Variants in AKAP12 observed in about 807,000 individuals in gnomAD.
AKAP12 encodes A-kinase anchor protein 12.
Under a neutral mutation model 79.9 loss-of-function variants are expected in AKAP12, and 32 were observed. That is an observed-to-expected ratio of 0.40 (90% CI 0.30 to 0.54). AKAP12 has a LOEUF of 0.54. Among genes scored for constraint, AKAP12 ranks in the 20% least tolerant of loss-of-function variants. AKAP12 has a pLI of 0.48. For missense variants in AKAP12, 2,074 were observed against 2,177.0 expected, an observed-to-expected ratio of 0.95 and a Z score of 0.94; for synonymous variants, 808 against 857.0, an observed-to-expected ratio of 0.94 and a Z score of 1.00.
intron 2 of AKAP12, among the ~76,000 whole-genome samples, chr6:151,278,063 C>T (rs1306664365): frequency 6.6e-6 from 1 of 151,856 alleles, no homozygotes; most frequent in Non-Finnish European, 1.5e-5. Context: ...TTAAAATCTA[C>T]AATGATGAAA....
At chr6:151,348,680 T>TCTTC in intron 3 of AKAP12, 31 bp from the exon 4 acceptor site, 3 of 355,202 alleles carry the variant, frequency 8.4e-6, no homozygotes, top group East Asian at 5.8e-5. Flanking sequence ...TTTTCTCTTC[T>TCTTC]CCCCACCCCC....
rs200288801 is a variant in AKAP12, at chr6:151,351,904, T to C, written c.3513T>C (p.Thr1171=). 176 of 1,613,952 alleles carry C rather than the reference T, an allele frequency of 1.1e-4. No homozygotes were observed. Among genetic ancestry groups the C allele is most frequent in the Non-Finnish European group, 1.4e-4 (163 of 1,179,986 alleles). ...TGGAAACCCCTACAGACAGTGAGAC[T>C]GATGGAAGCACCCCCGTAGCCGACT... is the stretch of plus-strand genomic sequence containing the variant. ...DSVETPTDSE[T]DGSTPVADFD... is the part of the protein sequence containing the mutation. Residue 1171 remains threonine, a synonymous_variant, in exon 4 of 5, where the codon ACT becomes ACC. Transcript: ENST00000402676. This position sits in a 1 kb window ranked among gnomAD's most constrained non-coding sequence, Gnocchi z 4.4.
chr6:151,305,491 T>A (rs1776959002), intron 2 of AKAP12, among the ~76,000 whole-genome samples: 4 of 152,330 alleles, frequency 2.6e-5, no homozygotes, highest in Admixed American at 2.6e-4. Flanking sequence ...TGAATGTATG[T>A]ATCTGGTGTT....
At chr6:151,306,427 C>T (rs2294794) in intron 3 of AKAP12, among the ~76,000 whole-genome samples, 49,187 of 151,984 alleles carry the variant, frequency 0.32, 9,420 homozygotes, top group Non-Finnish European at 0.44. Flanking sequence ...GGTGAGGAAC[C>T]GTATCTTGAG....
At chr6:151,327,869 A>C (rs1777567754) in intron 3 of AKAP12, among the ~76,000 whole-genome samples, 1 of 152,250 alleles carries the variant, frequency 6.6e-6, no homozygotes, top group Non-Finnish European at 1.5e-5. Flanking sequence ...CTTAACTCCA[A>C]AAATTTACCA....
chr6:151,314,790 C>T (rs1238431451), intron 3 of AKAP12, among the ~76,000 whole-genome samples: 1 of 152,112 alleles, frequency 6.6e-6, no homozygotes, highest in Non-Finnish European at 1.5e-5. Context: ...CACAGTGGCT[C>T]ACGCCTGTAA....
chr6:151,274,215 G>A (rs948002848), intron 2 of AKAP12, among the ~76,000 whole-genome samples: 25 of 152,146 alleles, frequency 1.6e-4, no homozygotes, highest in Admixed American at 5.9e-4. Context: ...GGGACTACAG[G>A]GGCAGGGGCA....
chr6:151,349,497 G>A lies in AKAP12; in HGVS notation c.1106G>A (p.Arg369Gln), dbSNP rs1016165791. 6.8e-6 allele frequency: 11 copies of A among 1,608,858 alleles called. No individual in the cohort carries two copies. The highest frequency in any genetic ancestry group is 2.2e-5 in the East Asian group (1 of 44,830). ...CCGGCAGAAAGTGCCCACGAGCCCC[G>A]GTTATCAGCTGAATATGAGAAAGTT... ...QEPAESAHEP[R>Q]LSAEYEKVEL... Residue 369 changes from arginine to glutamine, a missense_variant, in exon 4 of 5, where the codon CGG (arginine) becomes CAG (glutamine). This residue lies in a region of AKAP12 where 1,428 missense variants were observed against 1,451.0 expected (regional missense o/e 0.98). Coordinates refer to ENST00000402676, the MANE Select transcript of AKAP12 (RefSeq NM_005100.4).
intron 3 of AKAP12, among the ~76,000 whole-genome samples, chr6:151,308,550 G>T (rs9479009): frequency 4.6e-5 from 7 of 151,980 alleles, no homozygotes; most frequent in African/African-American, 1.7e-4. Context: ...TCTTGAAAAG[G>T]CCTTGACCTC....
At chr6:151,275,787 C>T (rs955860437) in intron 2 of AKAP12, among the ~76,000 whole-genome samples, 2 of 152,192 alleles carry the variant, frequency 1.3e-5, no homozygotes, top group Non-Finnish European at 2.9e-5. Context: ...ATGACTTAGC[C>T]GCCAAGTGGT....
At chr6:151,326,941 C>T (rs1442981520) in intron 3 of AKAP12, among the ~76,000 whole-genome samples, 4 of 151,990 alleles carry the variant, frequency 2.6e-5, no homozygotes, top group South Asian at 2.1e-4. Flanking sequence ...CTCAGCCTCC[C>T]GAGTAGCTGG....
At chr6:151,337,512 G>GAAAAAAAAAAAAA (rs565900855) in intron 3 of AKAP12, among the ~76,000 whole-genome samples, 1 of 101,806 alleles carries the variant, frequency 9.8e-6, no homozygotes, top group Non-Finnish European at 1.9e-5. Context: ...TTTCCGTCTC[G>GAAAAAAAAAAAAA]AAAAAAAAAA....
At chr6:151,287,872 T>C (rs1776536397) in intron 2 of AKAP12, among the ~76,000 whole-genome samples, 1 of 152,152 alleles carries the variant, frequency 6.6e-6, no homozygotes, top group South Asian at 2.1e-4. Context: ...CACCACGGAA[T>C]ACTATGCAGC....
At chr6:151,316,627 T>G (rs1050129089) in intron 3 of AKAP12, among the ~76,000 whole-genome samples, 1 of 152,026 alleles carries the variant, frequency 6.6e-6, no homozygotes, top group African/African-American at 2.4e-5. Context: ...GTGTCCAAAT[T>G]TCCTGTTCTT....
intron 2 of AKAP12, among the ~76,000 whole-genome samples, chr6:151,300,582 C>T (rs1776843931): frequency 6.6e-6 from 1 of 152,154 alleles, no homozygotes; most frequent in Non-Finnish European, 1.5e-5. Context: ...GTTGTGGACT[C>T]CTGTGGAGAA....
At chr6:151,334,536 A>G (rs1397567166) in intron 3 of AKAP12, among the ~76,000 whole-genome samples, 4 of 151,810 alleles carry the variant, frequency 2.6e-5, no homozygotes, top group Non-Finnish European at 5.9e-5. Context: ...CAGAGGCTGC[A>G]GAGAGCTGAC....
rs756086007 is a variant in AKAP12 at position 151,353,602 on chromosome 6, G to A, written c.5211G>A (p.Glu1737=). Residue 1737 remains glutamate, a synonymous_variant, in exon 4 of 5, where the codon GAG becomes GAA. Transcript: ENST00000402676. ...SPDTNGPKQK[E]KEDAQEVELQ... ...ATACAAATGGACCAAAACAAAAAGA[G>A]AAGGAGGATGCCCAGGAAGTAGAAT... The A allele has an allele frequency of 2.3e-5, 37 of 1,614,002 alleles. No individual in the cohort carries two copies. Among genetic ancestry groups the A allele is most frequent in the Non-Finnish European group, 3.1e-5 (36 of 1,180,008 alleles).
Position 151,351,244 on chromosome 6 carries a change from T to G in AKAP12, c.2853T>G (p.Thr951=). Reference sequence around the variant, plus strand: ...CAGAAGAAGAACCCCCCACGGTTACTGAACCTCTGCCAGAGAACAGAGAGG... The same window carrying G: ...CAGAAGAAGAACCCCCCACGGTTACGGAACCTCTGCCAGAGAACAGAGAGG... ...VIAEEEPPTV[T]EPLPENREAR... is the part of the protein sequence containing the mutation. Residue 951 remains threonine (T), a synonymous_variant, in exon 4 of 5, where the codon ACT becomes ACG. Coordinates refer to ENST00000402676, the MANE Select transcript of AKAP12 (RefSeq NM_005100.4). The surrounding 1 kb of genome is among the most constrained non-coding windows in gnomAD (Gnocchi z 4.4). 1 of 1,614,218 alleles carries G rather than the reference T, an allele frequency of 6.2e-7. No individual in the cohort carries two copies. Among genetic ancestry groups the G allele is most frequent in the African/African-American group, 1.3e-5 (1 of 75,054 alleles).
At chr6:151,348,271 A>C (rs1778162218) in intron 3 of AKAP12, 1 of 429,830 alleles carries the variant, frequency 2.3e-6, no homozygotes, top group African/African-American at 2.1e-5. Flanking sequence ...GTTGCAGTGA[A>C]CCGAGATCGT....
Sources: allele counts gnomAD v4.1 joint callset (sites outside exome capture counted in the v4.1 genomes callset), GRCh38; gene constraint gnomAD v4.1.1; regional missense constraint gnomAD v4.1.1; non-coding constraint Gnocchi (gnomAD v3.1); transcripts MANE v1.5; gene names NCBI Gene and HGNC (gene_info 2026-07-23, HGNC 2026-07-21).